The following KIAA1958 variants were observed in gnomAD, a reference collection of about 807,000 sequenced individuals.
The protein encoded by KIAA1958 is uncharacterized protein KIAA1958.
Under a neutral mutation model 47.2 loss-of-function variants are expected in KIAA1958, and 14 were observed. That is an observed-to-expected ratio of 0.30 (90% CI 0.20 to 0.46). KIAA1958 has a LOEUF of 0.46. Among genes scored for constraint, KIAA1958 ranks in the 20% least tolerant of loss-of-function variants. KIAA1958 has a pLI of 1.00. For synonymous variants in KIAA1958, 354 were observed against 353.3 expected, an observed-to-expected ratio of 1.00 and a Z score of -0.02; for missense variants, 803 against 909.2, an observed-to-expected ratio of 0.88 and a Z score of 1.50.
At chr9:112,491,544 T>TG (rs1344070013) in intron 1 of KIAA1958, among the ~76,000 whole-genome samples, 3 of 151,308 alleles carry the variant, frequency 2.0e-5, no homozygotes, top group African/African-American at 7.3e-5. Flanking sequence ...AATTATTAGC[T>TG]GGTTTTTTTT....
intron 1 of KIAA1958, among the ~76,000 whole-genome samples, chr9:112,503,071 T>C (rs1468691962): frequency 6.6e-6 from 1 of 151,624 alleles, no homozygotes; most frequent in Admixed American, 6.6e-5. Context: ...GTAGTGGAGG[T>C]AGAGAAGAAA....
intron 1 of KIAA1958, among the ~76,000 whole-genome samples, chr9:112,560,201 T>TTTC (rs1251929446): frequency 1.6e-5 from 2 of 122,008 alleles, no homozygotes; most frequent in African/African-American, 3.3e-5. Flanking sequence ...TCTTTTTCTT[T>TTTC]TTTTTTCTTT....
chr9:112,563,390 T>C (rs1220845459), intron 1 of KIAA1958, among the ~76,000 whole-genome samples: 2 of 152,194 alleles, frequency 1.3e-5, no homozygotes, highest in South Asian at 2.1e-4. Context: ...ATTTAGGTCA[T>C]GTTTAATTTC....
rs186266834 is a variant in KIAA1958 at position 112,554,971 on chromosome 9, A to G, written c.-24-19086A>G. Among the ~76,000 whole-genome samples, 244 of 152,368 alleles carry G rather than the reference A, an allele frequency of 1.6e-3. 1 individual carries two copies. Among genetic ancestry groups the G allele is most frequent in the African/African-American group, 5.8e-3 (241 of 41,592 alleles). ...TGAGGACTCTGGAAAACAAGAAAGG[A>G]GGACTTCAGAAGAACTAAAAACAAA... On this transcript the variant is annotated intron_variant, in intron 1 of 3. Transcript: ENST00000337530.
chr9:112,647,604 C>G (rs1464160), intron 3 of KIAA1958, among the ~76,000 whole-genome samples: 1 of 152,114 alleles, frequency 6.6e-6, no homozygotes, highest in Non-Finnish European at 1.5e-5. Context: ...TATAGAAATA[C>G]GCAACAATAT....
At chr9:112,497,425 A>C (rs867350876) in intron 1 of KIAA1958, among the ~76,000 whole-genome samples, 10 of 152,348 alleles carry the variant, frequency 6.6e-5, no homozygotes, top group Middle Eastern at 6.8e-3. Context: ...AACAGCAAGG[A>C]GGAGGCCATC....
In KIAA1958 at chr9:112,575,023, T is replaced by C. The variant is rs888202333; in HGVS notation, c.943T>C (p.Ser315Pro). 1.9e-6 allele frequency: 3 copies of C among 1,613,942 alleles called. No individual in the cohort carries two copies. In the African/African-American group the frequency reaches 4.0e-5, roughly 22 times the overall value. ...GGCCATGCAAATGCCTGTGAGCACA[T>C]CCCATCCTAACAAACAGATCAGTAT... ...QVAMQMPVST[S>P]HPNKQISIPL... is the part of the protein sequence containing the mutation. The change falls in exon 2 of 4, where the codon TCC becomes CCC. Residue 315 changes from serine (S) to proline (P), a missense_variant. Coordinates refer to ENST00000337530, the MANE Select transcript of KIAA1958 (RefSeq NM_133465.4).
chr9:112,645,949 T>G (rs781380023), intron 3 of KIAA1958, 127 bp downstream of exon 3: 8 of 616,422 alleles, frequency 1.3e-5, no homozygotes, highest in Non-Finnish European at 2.1e-5. Flanking sequence ...TGGAAGAACA[T>G]GAAATAGATA....
At chr9:112,594,762 G>A (rs1296409282) in intron 2 of KIAA1958, among the ~76,000 whole-genome samples, 1 of 152,148 alleles carries the variant, frequency 6.6e-6, no homozygotes, top group African/African-American at 2.4e-5. Context: ...GAACTTGATA[G>A]GTCGTATGCT....
chr9:112,628,828 T>C (rs1336089476), intron 2 of KIAA1958, among the ~76,000 whole-genome samples: 2 of 152,190 alleles, frequency 1.3e-5, no homozygotes, highest in Non-Finnish European at 2.9e-5. Context: ...CTCCCACAAT[T>C]TTAAATGTTT....
intron 1 of KIAA1958, among the ~76,000 whole-genome samples, chr9:112,524,442 C>T (rs376114516): frequency 1.1e-4 from 16 of 152,300 alleles, no homozygotes; most frequent in African/African-American, 3.6e-4. Context: ...ACTGAGAAAG[C>T]GGCCTTAAAA....
intron 3 of KIAA1958, among the ~76,000 whole-genome samples, chr9:112,646,378 TG>T (rs1836975533): frequency 6.6e-6 from 1 of 152,202 alleles, no homozygotes; most frequent in Non-Finnish European, 1.5e-5. Flanking sequence ...AAGGGACTAT[TG>T]TAGTAGGGAA....
Position 112,659,523 on chromosome 9 carries a change from T to C in KIAA1958, c.1605T>C (p.Leu535=), listed in dbSNP as rs774779441. ...ARSRNIVYFS[L]SDEEEMWQAG... ...CTCGCAACATCGTCTACTTCTCCCT[T>C]TCTGACGAGGAGGAGATGTGGCAGG... Residue 535 remains leucine (L), a synonymous_variant, in exon 4 of 4, where the codon CTT becomes CTC. Transcript: ENST00000337530. 8 of 1,613,360 alleles carry C rather than the reference T, an allele frequency of 5.0e-6. No homozygotes were observed. In the Admixed American group the frequency reaches 6.7e-5, roughly 13 times the overall value.
intron 2 of KIAA1958, among the ~76,000 whole-genome samples, chr9:112,629,972 A>G (rs576527885): frequency 3.0e-4 from 46 of 152,080 alleles, no homozygotes; most frequent in African/African-American, 9.7e-4. Flanking sequence ...CAAACAAGTT[A>G]AACCACGTTT....
chr9:112,603,196 G>C lies in KIAA1958; in HGVS notation c.1171+27945G>C, dbSNP rs140563496. 2.6e-5 allele frequency among the ~76,000 whole-genome samples: 4 copies of C among 152,292 alleles called. No homozygotes were observed. In the East Asian group the frequency reaches 7.7e-4, roughly 29 times the overall value. ...AAGAATAAGGAATGTTAGAGGTAGA[G>C]AAATGGGTGTTGATTTATTTTTTTT... On this transcript the variant is annotated intron_variant, in intron 2 of 3. Transcript: ENST00000337530.
intron 1 of KIAA1958, among the ~76,000 whole-genome samples, chr9:112,544,793 G>A (rs1835001358): frequency 1.3e-5 from 2 of 152,178 alleles, no homozygotes; most frequent in Non-Finnish European, 1.5e-5. Context: ...TAGAGGATGT[G>A]CTGCCATTAT....
At chr9:112,507,768 CTCTTTCTT>C (rs764724203) in intron 1 of KIAA1958, among the ~76,000 whole-genome samples, 1 of 152,124 alleles carries the variant, frequency 6.6e-6, no homozygotes, top group African/African-American at 2.4e-5. Flanking sequence ...TTCTCTCTCT[CTCTTTCTT>C]TCTTTCTTTC....
chr9:112,568,794 G>A (rs1239558091), intron 1 of KIAA1958, among the ~76,000 whole-genome samples: 1 of 150,866 alleles, frequency 6.6e-6, no homozygotes, highest in Admixed American at 6.6e-5. Context: ...AGGCTGAGGT[G>A]GGAGGGTTAC....
chr9:112,629,635 G>A (rs1489697132), intron 2 of KIAA1958, among the ~76,000 whole-genome samples: 2 of 151,942 alleles, frequency 1.3e-5, no homozygotes, highest in Non-Finnish European at 2.9e-5. Flanking sequence ...CATCTTTGTC[G>A]ACTCACTGTT....
Sources: gnomAD v4.1 joint callset for allele counts (sites outside exome capture counted in the v4.1 genomes callset) on GRCh38, gnomAD v4.1.1 for gene constraint, MANE v1.5 for transcripts, NCBI Gene and HGNC (gene_info 2026-07-23, HGNC 2026-07-21) for gene names.